The following DECR1 variants were observed in gnomAD, a reference collection of about 807,000 sequenced individuals.
The protein encoded by DECR1 is 2,4-dienoyl-CoA reductase 1, also known as 2,4-dienoyl-CoA reductase [(3E)-enoyl-CoA-producing], mitochondrial.
In DECR1, 44 loss-of-function variants were observed where a neutral mutation model predicts 38.8. That is an observed-to-expected ratio of 1.13 (90% CI 0.89 to 1.46). The LOEUF is 1.46. Among genes scored for constraint, DECR1 ranks in the 40% most tolerant of loss-of-function variants. The pLI, the probability that DECR1 is intolerant of heterozygous loss-of-function variation, is 0.00. For synonymous variants in DECR1, 148 were observed against 135.2 expected, an observed-to-expected ratio of 1.09 and a Z score of -0.66; for missense variants, 428 against 405.5, an observed-to-expected ratio of 1.06 and a Z score of -0.48.
At chr8:90,047,370 C>A (rs1395684725) in intron 8 of DECR1, among the ~76,000 whole-genome samples, 1 of 152,026 alleles carries the variant, frequency 6.6e-6, no homozygotes, top group African/African-American at 2.4e-5. Context: ...AAAAAAAAAG[C>A]AGGGGTTGCA....
intron 1 of DECR1, among the ~76,000 whole-genome samples, chr8:90,002,639 G>A (rs1196478617): frequency 1.3e-5 from 2 of 152,180 alleles, no homozygotes; most frequent in African/African-American, 2.4e-5. Flanking sequence ...TGATAGAATA[G>A]ACAGCCATGG....
chr8:90,036,806 T>C (rs1813626917), intron 5 of DECR1, 35 bp from the exon 6 acceptor site: 1 of 1,346,468 alleles, frequency 7.4e-7, no homozygotes, highest in African/African-American at 1.4e-5. Context: ...GATACATCTA[T>C]ATTGCTAATC....
At chr8:90,006,667 G>T (rs1015566370) in intron 1 of DECR1, among the ~76,000 whole-genome samples, 4 of 152,216 alleles carry the variant, frequency 2.6e-5, no homozygotes, top group African/African-American at 9.6e-5. Context: ...GGTTGGTGGT[G>T]AGGATGAGAG....
chr8:90,027,113 A>T (rs901921490), intron 5 of DECR1, among the ~76,000 whole-genome samples: 1 of 152,136 alleles, frequency 6.6e-6, no homozygotes, highest in Non-Finnish European at 1.5e-5. Flanking sequence ...CTGTTCTTTT[A>T]CATTTGCTGA....
At chr8:90,047,956 G>A (rs1004142608) in intron 8 of DECR1, among the ~76,000 whole-genome samples, 103 of 152,250 alleles carry the variant, frequency 6.8e-4, no homozygotes, top group African/African-American at 2.1e-3. Flanking sequence ...ACGAAATGAA[G>A]GCAGAAATAA....
In DECR1 at chr8:90,036,689, C is replaced by CT. The variant is rs1331815191; in HGVS notation, c.566-151dup. 2.7e-5 allele frequency: 14 copies of CT among 527,864 alleles called. No individual in the cohort carries two copies. In the Middle Eastern group the frequency reaches 1.5e-3, roughly 57 times the overall value. 32.7% of individuals were successfully genotyped at this position (527,864 alleles called of 1,614,324 possible). On this transcript the variant is annotated intron_variant, in intron 5 of 9. Transcript: ENST00000220764. The stretch of plus-strand genomic sequence containing the variant: ...GACATATCAATTTTCTTAGGTTACT[C>CT]TCTCATTAATTTAGAGTGAGTGAAG...
At chr8:90,012,129 AGATT>A (rs986583262) in intron 1 of DECR1, among the ~76,000 whole-genome samples, 1 of 151,330 alleles carries the variant, frequency 6.6e-6, no homozygotes, top group African/African-American at 2.4e-5. Context: ...GTACTTGTAT[AGATT>A]GATTTAGATT....
At chr8:90,050,804 G>A (rs936623078) in intron 8 of DECR1, among the ~76,000 whole-genome samples, 10 of 152,168 alleles carry the variant, frequency 6.6e-5, no homozygotes, top group Non-Finnish European at 1.0e-4. Flanking sequence ...ACTGGATTAA[G>A]AAAATGTGGC....
intron 1 of DECR1, chr8:90,006,005 A>C: frequency 3.4e-6 from 2 of 590,820 alleles, no homozygotes; most frequent in South Asian, 4.0e-5. Flanking sequence ...AGTGGGAACT[A>C]ATAGAGTGCA....
chr8:90,030,190 T>C (rs1004367020), intron 5 of DECR1, among the ~76,000 whole-genome samples: 1 of 152,154 alleles, frequency 6.6e-6, no homozygotes, highest in Admixed American at 6.6e-5. Flanking sequence ...GATCTGACAT[T>C]AGGTGGAGCT....
intron 7 of DECR1, 86 bp from the exon 8 acceptor site, chr8:90,044,763 T>C: frequency 7.1e-7 from 1 of 1,411,668 alleles, no homozygotes; most frequent in South Asian, 1.4e-5. Context: ...CATGGCAGCA[T>C]GCCATTTTAT....
chr8:90,009,266 C>T (rs530862223), intron 1 of DECR1, among the ~76,000 whole-genome samples: 1 of 152,268 alleles, frequency 6.6e-6, no homozygotes, highest in South Asian at 2.1e-4. Flanking sequence ...CTCCCAATCC[C>T]TTTTGCCTAA....
chr8:90,046,009 A>G (rs1314176313), intron 8 of DECR1, among the ~76,000 whole-genome samples: 1 of 152,218 alleles, frequency 6.6e-6, no homozygotes, highest in African/African-American at 2.4e-5. Flanking sequence ...CAGAAAGGAC[A>G]TCCACACCAA....
At chr8:90,003,802 G>A (rs1171631892) in intron 1 of DECR1, among the ~76,000 whole-genome samples, 1 of 151,918 alleles carries the variant, frequency 6.6e-6, no homozygotes, top group African/African-American at 2.4e-5. Flanking sequence ...TACTGGGTGT[G>A]GTTTCACACG....
rs1437992820 is a variant in DECR1, at chr8:90,027,294, G to A, written c.565+6238G>A. Among the ~76,000 whole-genome samples the A allele has an allele frequency of 2.0e-5, 3 of 152,054 alleles. No individual in the cohort carries two copies. In the East Asian group the frequency reaches 5.8e-4, roughly 29 times the overall value. ...GATATCCTTGTTAACTTTCCATCTCGTTGATCTGTCTAATGTTGACAGTGG... is the reference window on the plus strand; with the variant it reads ...GATATCCTTGTTAACTTTCCATCTCATTGATCTGTCTAATGTTGACAGTGG... On this transcript the variant is annotated intron_variant, in intron 5 of 9. Transcript: ENST00000220764.
chr8:90,051,541 GTT>G, intron 8 of DECR1, 134 bp from the exon 9 acceptor site: 1 of 639,904 alleles, frequency 1.6e-6, no homozygotes, highest in Non-Finnish European at 2.7e-6. Flanking sequence ...TTAATCATGA[GTT>G]TTATCTTTAA....
At chr8:90,019,000 A>C in intron 3 of DECR1, 34 bp downstream of exon 3, 1 of 1,576,532 alleles carries the variant, frequency 6.3e-7, no homozygotes, top group Non-Finnish European at 8.7e-7. Context: ...ATTTAGATTT[A>C]GGAATTATAA....
At position 90,053,289 on chromosome 8, in the gene DECR1, A is replaced by AG. The variant is rs368723849; in HGVS notation, c.*1394dup. On this transcript the variant is annotated 3_prime_UTR_variant, in exon 10 of 10. Coordinates refer to ENST00000220764, the MANE Select transcript of DECR1 (RefSeq NM_001359.2). ...GACTCATAGTTCAGCATGGCTAGGG[A>AG]GGCCTCACAATCATGGCAGAAGGTG... Among the ~76,000 whole-genome samples the AG allele has an allele frequency of 4.1e-4, 63 of 152,314 alleles. No homozygotes were observed. Among genetic ancestry groups the AG allele is most frequent in the African/African-American group, 1.4e-3 (58 of 41,578 alleles).
intron 5 of DECR1, among the ~76,000 whole-genome samples, chr8:90,023,614 G>A (rs1160029321): frequency 6.6e-6 from 1 of 151,938 alleles, no homozygotes; most frequent in African/African-American, 2.4e-5. Flanking sequence ...ATGCCAGGAG[G>A]AAAGCAATTA....
Sources: allele counts gnomAD v4.1 joint callset (sites outside exome capture counted in the v4.1 genomes callset), GRCh38; gene constraint gnomAD v4.1.1; transcripts MANE v1.5; gene names NCBI Gene and HGNC (gene_info 2026-07-23, HGNC 2026-07-21).